The following TMEM165 variants were observed in gnomAD, a reference collection of about 807,000 sequenced individuals.
TMEM165 encodes the protein putative divalent cation/proton antiporter TMEM165.
TMEM165 carries 19 observed loss-of-function variants against 30.0 expected under a neutral mutation model. That is an observed-to-expected ratio of 0.63 (90% CI 0.44 to 0.93). TMEM165 has a LOEUF of 0.93. Ranked by LOEUF, TMEM165 falls within the 40% of genes least tolerant of loss-of-function variation. The pLI is 0.00. For missense variants in TMEM165, 340 were observed against 417.0 expected (o/e 0.82, Z 1.61); for synonymous variants, 168 against 162.9 (o/e 1.03, Z -0.24).
chr4:55,411,782 C>T lies in TMEM165; in HGVS notation c.376C>T (p.Arg126Cys), dbSNP rs387907222. ...AGCCATCATGGCAATGCGCTATAAC[C>T]GCCTGACCGTGCTGGCTGGTGCAAT... ...IAAIMAMRYN[R>C]LTVLAGAMLA... The change falls in exon 2 of 6, where the codon CGC becomes TGC. Residue 126 changes from arginine (R) to cysteine (C), a missense_variant. Physicochemically the swap from Arg to Cys is radical, Grantham distance 180. Coordinates refer to ENST00000381334, the MANE Select transcript of TMEM165 (RefSeq NM_018475.5). 26 of 1,614,028 alleles carry T rather than the reference C, an allele frequency of 1.6e-5. No individual in the cohort carries two copies. The highest frequency in any genetic ancestry group is 3.3e-5 in the South Asian group (3 of 91,082).
At chr4:55,417,781 AT>A in intron 3 of TMEM165, 21 bp from the exon 4 acceptor site, 1 of 1,559,726 alleles carries the variant, frequency 6.4e-7, no homozygotes. Flanking sequence ...GCTTACTTTC[AT>A]TTGTTTATTA....
intron 1 of TMEM165, among the ~76,000 whole-genome samples, chr4:55,407,624 CT>C (rs1258966927): frequency 6.6e-6 from 1 of 152,146 alleles, no homozygotes; most frequent in Non-Finnish European, 1.5e-5. Context: ...AGACTCTGCT[CT>C]GGCTCATCCT....
chr4:55,415,965 C>G (rs1202408003), intron 2 of TMEM165: 1 of 152,068 alleles, frequency 6.6e-6, no homozygotes, highest in Non-Finnish European at 1.5e-5. Context: ...AGTGATCCTC[C>G]TATCTCAGCC....
At chr4:55,419,844 G>A (rs1016296821) in intron 4 of TMEM165, among the ~76,000 whole-genome samples, 3 of 151,824 alleles carry the variant, frequency 2.0e-5, no homozygotes, top group Admixed American at 2.0e-4. Context: ...AGGCTATTTT[G>A]TCAGGGAAGC....
intron 3 of TMEM165, among the ~76,000 whole-genome samples, chr4:55,448,621 T>C (rs1012813378): frequency 1.5e-3 from 232 of 151,584 alleles, no homozygotes; most frequent in African/African-American, 5.2e-3. Flanking sequence ...TGTGTGTGTG[T>C]GTGTGTGTGT....
chr4:55,442,550 T>C, intron 3 of TMEM165: 6 of 1,611,534 alleles, frequency 3.7e-6, no homozygotes, highest in Non-Finnish European at 5.1e-6. Context: ...ACCATAGTGT[T>C]ATACAGTGGG....
chr4:55,400,661 C>G (rs1437414280), intron 1 of TMEM165, among the ~76,000 whole-genome samples: 1 of 149,258 alleles, frequency 6.7e-6, no homozygotes, highest in African/African-American at 2.6e-5. Flanking sequence ...AGGTCTCCAT[C>G]TCCTGACCTG....
intron 4 of TMEM165, among the ~76,000 whole-genome samples, chr4:55,419,356 G>A (rs568479982): frequency 1.3e-5 from 2 of 152,226 alleles, no homozygotes; most frequent in Admixed American, 6.5e-5. Context: ...AGAATCCTAA[G>A]TTCTGGAGTG....
chr4:55,450,301 T>C, intron 3 of TMEM165: 1 of 1,584,802 alleles, frequency 6.3e-7, no homozygotes, highest in Non-Finnish European at 8.7e-7. Flanking sequence ...CACAATACTG[T>C]TAACAACAAC....
At chr4:55,448,605 T>C (rs58339390) in intron 3 of TMEM165, among the ~76,000 whole-genome samples, 2,175 of 27,144 alleles carry the variant, frequency 0.08, 19 homozygotes, top group African/African-American at 0.18. Flanking sequence ...CGCGCGCGTG[T>C]GTGTGTGTGT....
At chr4:55,449,347 C>T (rs765960779) in intron 3 of TMEM165, 5 of 1,469,590 alleles carry the variant, frequency 3.4e-6, no homozygotes, top group Admixed American at 1.7e-5. Flanking sequence ...GATCATTTTT[C>T]CCCTCTTAAT....
chr4:55,439,582 T>C (rs986867074), intron 3 of TMEM165, among the ~76,000 whole-genome samples: 10 of 152,152 alleles, frequency 6.6e-5, no homozygotes, highest in African/African-American at 2.2e-4. Flanking sequence ...AGCAGCATTA[T>C]TCACAGGAGC....
In TMEM165 at chr4:55,401,097, A is replaced by G. The variant is rs1386084063; in HGVS notation, c.207+4701A>G. 1.3e-5 allele frequency among the ~76,000 whole-genome samples: 2 copies of G among 150,588 alleles called. 1 individual carries two copies. The highest frequency in any genetic ancestry group is 5.0e-5 in the African/African-American group (2 of 39,970). The stretch of plus-strand genomic sequence containing the variant: ...ATCTCTCCTTGGTTAGTAGGCATTC[A>G]AGTGGAAGATATGTTATAAAAACCT... On this transcript the variant is annotated intron_variant, in intron 1 of 5. Transcript: ENST00000381334.
chr4:55,421,956 C>T (rs1721993448), intron 4 of TMEM165, among the ~76,000 whole-genome samples: 2 of 152,208 alleles, frequency 1.3e-5, no homozygotes, highest in East Asian at 1.9e-4. Context: ...CATCGCAAAT[C>T]CAACTCTTGC....
At position 55,425,651 on chromosome 4, in the gene TMEM165, A is replaced by G; in HGVS notation, c.*199A>G. ...AGTTTTAAAAGAAACCTGACTTCTA[A>G]GTGTGGGTTTTTCTTCTCTCCAACA... On this transcript the variant is annotated 3_prime_UTR_variant, in exon 6 of 6. Transcript: ENST00000381334. The G allele has an allele frequency of 6.0e-6, 3 of 495,874 alleles. No individual in the cohort carries two copies. The highest frequency in any genetic ancestry group is 2.0e-5 in the African/African-American group (1 of 50,944). The allele number at this position is 495,874 out of a possible 1,614,324, so 30.7% of individuals were successfully genotyped here.
chr4:55,437,169 T>G (rs1025610154), intron 3 of TMEM165, among the ~76,000 whole-genome samples: 3 of 152,202 alleles, frequency 2.0e-5, no homozygotes, highest in Non-Finnish European at 4.4e-5. Flanking sequence ...CTAGCCTGTT[T>G]TAGTTTTCTA....
intron 4 of TMEM165, among the ~76,000 whole-genome samples, chr4:55,420,443 G>A (rs2109558391): frequency 1.3e-5 from 2 of 151,784 alleles, no homozygotes; most frequent in South Asian, 4.2e-4. Context: ...GTCTCTTGCT[G>A]TAAAATCACA....
intron 3 of TMEM165, among the ~76,000 whole-genome samples, chr4:55,448,596 G>GCA (rs1402595171): frequency 1.8e-5 from 2 of 108,718 alleles, no homozygotes; most frequent in African/African-American, 9.8e-5. Context: ...GCGCGCGCAC[G>GCA]CGCGCGTGTG....
chr4:55,432,734 A>G (rs1722605618), intron 3 of TMEM165: 1 of 152,142 alleles, frequency 6.6e-6, no homozygotes, highest in African/African-American at 2.4e-5. Flanking sequence ...TACGCTTCAG[A>G]CTGACAGAAA....
Sources: allele counts gnomAD v4.1 joint callset (sites outside exome capture counted in the v4.1 genomes callset), GRCh38; gene constraint gnomAD v4.1.1; transcripts MANE v1.5; gene names NCBI Gene and HGNC (gene_info 2026-07-23, HGNC 2026-07-21).